The following WDR11 variants were observed in gnomAD, a reference collection of about 807,000 sequenced individuals.
WDR11 encodes WD repeat domain 11, also known as WD repeat-containing protein 11.
A neutral mutation model predicts 151.2 loss-of-function variants in WDR11; 83 were observed. The observed-to-expected ratio is 0.55, with a 90% CI of 0.46 to 0.66. The LOEUF (loss-of-function observed/expected upper bound fraction) is 0.66. Ranked by LOEUF, WDR11 falls within the 30% of genes least tolerant of loss-of-function variation. The pLI, the probability that WDR11 is intolerant of heterozygous loss-of-function variation, is 0.00. For missense variants in WDR11, 1,301 were observed against 1,480.9 expected (o/e 0.88, Z 1.99); for synonymous variants, 484 against 533.1 (o/e 0.91, Z 1.27).
At chr10:120,880,191 T>A (rs1484053117) in intron 12 of WDR11, 1 of 152,228 alleles carries the variant, frequency 6.6e-6, no homozygotes, top group Non-Finnish European at 1.5e-5. Flanking sequence ...ACCATAAATA[T>A]CTTAAAACTT....
At chr10:120,858,100 C>A (rs146828171) in intron 2 of WDR11, among the ~76,000 whole-genome samples, 2 of 150,364 alleles carry the variant, frequency 1.3e-5, no homozygotes, top group African/African-American at 4.9e-5. Context: ...TTTAAAAATT[C>A]TATTGTTAAT....
intron 19 of WDR11, among the ~76,000 whole-genome samples, chr10:120,894,293 G>C (rs1419028140): frequency 6.6e-6 from 1 of 152,130 alleles, no homozygotes; most frequent in Non-Finnish European, 1.5e-5. Flanking sequence ...TTTTTCCTAA[G>C]TAAGCATATA....
chr10:120,892,099 C>T (rs1189437105), intron 19 of WDR11, among the ~76,000 whole-genome samples: 1 of 152,162 alleles, frequency 6.6e-6, no homozygotes, highest in Non-Finnish European at 1.5e-5. Context: ...GAACTGCTAT[C>T]TAAATGTTTG....
Position 120,852,623 on chromosome 10 carries a change from T to G in WDR11, c.186T>G (p.Ala62=). The change falls in exon 2 of 29, where the codon GCT becomes GCG. Residue 62 remains alanine (A), a synonymous_variant. Transcript: ENST00000263461. The part of the protein sequence containing the change: ...QTLQVLEKHK[A]DVVKVKWARE... ...TTCAAGTTTTAGAAAAGCATAAAGC[T>G]GATGTTGTAAAGGTAAGTAAAATCC... The G allele has an allele frequency of 6.2e-7, 1 of 1,613,834 alleles. No homozygotes were observed. The highest frequency in any genetic ancestry group is 1.1e-5 in the South Asian group (1 of 91,042).
At chr10:120,887,956 T>G (rs919209195) in intron 16 of WDR11, among the ~76,000 whole-genome samples, 1 of 152,150 alleles carries the variant, frequency 6.6e-6, no homozygotes, top group East Asian at 1.9e-4. Context: ...TTAATGGACT[T>G]TATTATAATA....
At chr10:120,886,623 A>G in intron 15 of WDR11, 66 bp from the exon 16 acceptor site, 1 of 1,582,670 alleles carries the variant, frequency 6.3e-7, no homozygotes, top group South Asian at 1.1e-5. Context: ...GGGCAAGTTA[A>G]TTAATTATGA....
At position 120,902,295 on chromosome 10, in the gene WDR11, T is replaced by C. The variant is rs1331132675; in HGVS notation, c.2726T>C (p.Leu909Pro). ...KKLLLDPEFT[L>P]LQRCLLVSRL... is the part of the protein sequence containing the mutation. ...CTGTTGCTTGATCCAGAATTCACTC[T>C]CTTGCAGAGGTGCCTGCTTGTTTCA... The change falls in exon 22 of 29, where the codon CTC becomes CCC. Residue 909 changes from leucine (L) to proline (P), a missense_variant. Leu to Pro is a moderately conservative substitution (Grantham distance 98, BLOSUM62 -3). This residue lies in a region of WDR11 where 589 missense variants were observed against 670.6 expected (regional missense o/e 0.88). Coordinates refer to ENST00000263461, the MANE Select transcript of WDR11 (RefSeq NM_018117.12). 3 of 1,614,162 alleles carry C rather than the reference T, an allele frequency of 1.9e-6. No individual in the cohort carries two copies. The highest frequency in any genetic ancestry group is 2.5e-6 in the Non-Finnish European group (3 of 1,180,012).
chr10:120,855,321 G>A (rs556073024), intron 2 of WDR11, among the ~76,000 whole-genome samples: 1 of 152,274 alleles, frequency 6.6e-6, no homozygotes, highest in African/African-American at 2.4e-5. Flanking sequence ...GATGGAACAG[G>A]ACAGTGGGAG....
intron 11 of WDR11, among the ~76,000 whole-genome samples, chr10:120,876,053 A>G (rs1029607499): frequency 1.4e-5 from 2 of 139,404 alleles, no homozygotes; most frequent in Non-Finnish European, 3.0e-5. Flanking sequence ...ATCTTAGCTC[A>G]CTGCAACCTC....
intron 7 of WDR11, 145 bp downstream of exon 7, chr10:120,865,889 A>G (rs1005248430): frequency 1.6e-5 from 10 of 629,938 alleles, no homozygotes; most frequent in East Asian, 2.8e-5. Context: ...AAGAGGCATA[A>G]AAAGTATAAG....
chr10:120,884,338 C>G (rs1041375545), intron 14 of WDR11, among the ~76,000 whole-genome samples: 1 of 152,014 alleles, frequency 6.6e-6, no homozygotes, highest in African/African-American at 2.4e-5. Flanking sequence ...CAGGAACAGA[C>G]CCATGAATAT....
chr10:120,880,877 A>G lies in WDR11; in HGVS notation c.1715A>G (p.Glu572Gly). The G allele has an allele frequency of 6.2e-7, 1 of 1,602,832 alleles. No individual in the cohort carries two copies. The highest frequency in any genetic ancestry group is 8.5e-7 in the Non-Finnish European group (1 of 1,172,774). ...GERGNDESAIEMIKVSHLKQY... is the reference protein window; with the variant it reads ...GERGNDESAIGMIKVSHLKQY... ...AGAGGCAATGATGAATCTGCCATCG[A>G]AATGATTAAAGTATCTCATTTGAAG... The change falls in exon 13 of 29, where the codon GAA becomes GGA. Residue 572 changes from glutamate to glycine, a missense_variant. By Grantham distance (98) the Glu-to-Gly change is moderately conservative. This residue lies in a region of WDR11 where 692 missense variants were observed against 762.5 expected (regional missense o/e 0.91). Transcript: ENST00000263461.
intron 10 of WDR11, among the ~76,000 whole-genome samples, chr10:120,872,206 T>G (rs1846571098): frequency 6.6e-6 from 1 of 152,238 alleles, no homozygotes; most frequent in Non-Finnish European, 1.5e-5. Flanking sequence ...AGTACCCTTC[T>G]GTTTTTTTCT....
chr10:120,895,276 A>C (rs1847572108), intron 19 of WDR11, among the ~76,000 whole-genome samples: 1 of 152,206 alleles, frequency 6.6e-6, no homozygotes, highest in Admixed American at 6.5e-5. Context: ...ACATGAATCT[A>C]CCTAAAACAT....
chr10:120,856,087 A>G (rs1164898356), intron 2 of WDR11: 2 of 152,206 alleles, frequency 1.3e-5, no homozygotes, highest in Non-Finnish European at 2.9e-5. Context: ...TGTAGGTCCA[A>G]GTTTCAGTCT....
chr10:120,903,007 A>G (rs1847885357), intron 22 of WDR11, 48 bp from the exon 23 acceptor site: 3 of 1,601,462 alleles, frequency 1.9e-6, no homozygotes, highest in Non-Finnish European at 2.6e-6. Flanking sequence ...GAAGCCATCC[A>G]GGCCAGGTGT....
At position 120,869,501 on chromosome 10, in the gene WDR11, G is replaced by A. The variant is rs144830238; in HGVS notation, c.1295-1669G>A. On this transcript the variant is annotated intron_variant, in intron 9 of 28. Coordinates refer to ENST00000263461, the MANE Select transcript of WDR11 (RefSeq NM_018117.12). ...ATTTTAAAGTGTTAAATAAAGCTTC[G>A]TACTTGAAAACATTTTAATTTAAAC... 1.9e-4 allele frequency among the ~76,000 whole-genome samples: 28 copies of A among 148,910 alleles called. 1 individual carries two copies. The East Asian group carries it at 4.7e-3, about 25-fold the overall frequency.
rs116175119 is a variant in WDR11 at position 120,867,532 on chromosome 10, C to T, written c.1294+363C>T. Among the ~76,000 whole-genome samples the T allele has an allele frequency of 9.5e-3, 1,440 of 152,344 alleles. 21 individuals are homozygous for T. The highest frequency in any genetic ancestry group is 0.033 in the African/African-American group (1,380 of 41,574). On this transcript the variant is annotated intron_variant, in intron 9 of 28. Transcript: ENST00000263461. Reference sequence around the variant, plus strand: ...TGGTTCCTCAGCTTGGAATGAAGTACATGCTTCCTTTCTGTCTGCTACTCC... The same window carrying T: ...TGGTTCCTCAGCTTGGAATGAAGTATATGCTTCCTTTCTGTCTGCTACTCC...
In WDR11 at chr10:120,904,717, A is replaced by C; in HGVS notation, c.3099A>C (p.Lys1033Asn). 1 of 1,614,192 alleles carries C rather than the reference A, an allele frequency of 6.2e-7. No individual in the cohort carries two copies. The highest frequency in any genetic ancestry group is 2.2e-5 in the East Asian group (1 of 44,880). Residue 1033 changes from lysine to asparagine, a missense_variant, in exon 25 of 29, where the codon AAA becomes AAC. Lys to Asn is a moderately conservative substitution (Grantham distance 94). Around this residue, in one of 3 missense-constraint regions of WDR11, gnomAD observed 589 missense variants for 670.6 expected, o/e 0.88. Transcript: ENST00000263461. ...AGCATTATTACTGTGATTCACTGAAAGCCTGTTTAGTCACTACTGTCACCT... is the reference window on the plus strand; with the variant it reads ...AGCATTATTACTGTGATTCACTGAACGCCTGTTTAGTCACTACTGTCACCT... ...DNQHYYCDSLKACLVTTVTSS... is the reference protein window; with the variant it reads ...DNQHYYCDSLNACLVTTVTSS...
Sources: gnomAD v4.1 joint callset for allele counts (sites outside exome capture counted in the v4.1 genomes callset) on GRCh38, gnomAD v4.1.1 for gene constraint, gnomAD v4.1.1 regional missense constraint, MANE v1.5 for transcripts, NCBI Gene and HGNC (gene_info 2026-07-23, HGNC 2026-07-21) for gene names.